The following TMEM132D variants were observed in gnomAD, a reference collection of about 807,000 sequenced individuals.
The protein encoded by TMEM132D is mature OL transmembrane protein.
In TMEM132D, 21 loss-of-function variants were observed where a neutral mutation model predicts 62.3. The ratio of observed to expected loss-of-function variants is 0.34; its 90% CI spans 0.24 to 0.49. The LOEUF is 0.49. TMEM132D is among the 20% of genes least tolerant of loss of function. The pLI, the probability that TMEM132D is intolerant of heterozygous loss-of-function variation, is 0.99. For synonymous variants in TMEM132D, 621 were observed against 575.6 expected (o/e 1.08, Z -1.13); for missense variants, 1,346 against 1,402.8 (o/e 0.96, Z 0.65).
intron 5 of TMEM132D, among the ~76,000 whole-genome samples, chr12:129,131,544 T>A (rs1268351347): frequency 6.6e-6 from 1 of 151,872 alleles, no homozygotes; most frequent in Non-Finnish European, 1.5e-5. Flanking sequence ...GAGGTGGAGG[T>A]TGCAGTGAGC....
At chr12:129,503,726 A>G (rs1875232526) in intron 3 of TMEM132D, among the ~76,000 whole-genome samples, 1 of 152,166 alleles carries the variant, frequency 6.6e-6, no homozygotes, top group South Asian at 2.1e-4. Flanking sequence ...ACACAGGTTA[A>G]AAACAAGATG....
At chr12:129,368,761 T>C (rs1217753504) in intron 3 of TMEM132D, among the ~76,000 whole-genome samples, 1 of 149,906 alleles carries the variant, frequency 6.7e-6, no homozygotes, top group African/African-American at 2.4e-5. Context: ...TTGTCAACCT[T>C]TCCACCAAAA....
At chr12:129,434,266 G>C (rs1211825846) in intron 3 of TMEM132D, among the ~76,000 whole-genome samples, 2 of 152,196 alleles carry the variant, frequency 1.3e-5, no homozygotes, top group Admixed American at 6.5e-5. Context: ...AGACCAACCT[G>C]CTTTAATAGT....
At chr12:129,741,464 T>C (rs1031820040) in intron 1 of TMEM132D, among the ~76,000 whole-genome samples, 1 of 152,222 alleles carries the variant, frequency 6.6e-6, no homozygotes, top group African/African-American at 2.4e-5. Flanking sequence ...CTGCTACTCA[T>C]GAGAAAAAGA....
chr12:129,868,027 G>A lies in TMEM132D; in HGVS notation c.79+35234C>T, dbSNP rs200983922. ...CGTTTCTATGGTACATACATGAGGT[G>A]GCGTTTCTATGGTACACACATGAGA... On this transcript the variant is annotated intron_variant, in intron 1 of 8. Transcript: ENST00000422113. Among the ~76,000 whole-genome samples, 10 of 121,484 alleles carry A rather than the reference G, an allele frequency of 8.2e-5. No individual in the cohort carries two copies. In the East Asian group the frequency reaches 7.4e-3, roughly 90 times the overall value. 79.7% of individuals were successfully genotyped at this position (121,484 alleles called of 152,430 possible).
rs1593158772 is a variant in TMEM132D at position 129,779,958 on chromosome 12, T to C, written c.80-79260A>G. On this transcript the variant is annotated intron_variant, in intron 1 of 8. Transcript: ENST00000422113. This position sits in a 1 kb window ranked among gnomAD's most constrained non-coding sequence, Gnocchi z 4.1. ...TTACAACCATCCTCCGAGAAAGCACTGTCAGCCCCATTTCATCCATGAGGA... is the reference window on the plus strand; with the variant it reads ...TTACAACCATCCTCCGAGAAAGCACCGTCAGCCCCATTTCATCCATGAGGA... Among the ~76,000 whole-genome samples the C allele has an allele frequency of 6.6e-6, 1 of 151,422 alleles. No homozygotes were observed. Among genetic ancestry groups the C allele is most frequent in the Middle Eastern group, 3.4e-3 (1 of 294 alleles).
At chr12:129,129,252 T>C (rs1354620417) in intron 5 of TMEM132D, among the ~76,000 whole-genome samples, 1 of 152,026 alleles carries the variant, frequency 6.6e-6, no homozygotes, top group African/African-American at 2.4e-5. Context: ...TTTGGCTTTC[T>C]GATTCACTGA....
chr12:129,612,267 C>T (rs1009458097), intron 2 of TMEM132D, among the ~76,000 whole-genome samples: 2 of 152,098 alleles, frequency 1.3e-5, no homozygotes, highest in Non-Finnish European at 2.9e-5. Context: ...TCACTGCCTG[C>T]GGCTCTTTTC....
At chr12:129,580,750 T>TC (rs1389496355) in intron 2 of TMEM132D, among the ~76,000 whole-genome samples, 4 of 151,574 alleles carry the variant, frequency 2.6e-5, no homozygotes, top group African/African-American at 9.7e-5. Context: ...AATAAATAAA[T>TC]AAATAAATCA....
rs368850505 is a variant in TMEM132D at position 129,700,354 on chromosome 12, G to C, written c.424C>G (p.Arg142Gly). The change falls in exon 2 of 9, where the codon CGG becomes GGG. Residue 142 changes from arginine (R) to glycine (G), a missense_variant. By Grantham distance (125) the Arg-to-Gly change is moderately radical. Coordinates refer to ENST00000422113, the MANE Select transcript of TMEM132D (RefSeq NM_133448.3). The part of the protein sequence containing the change: ...HILRDKVYLS[R>G]PKVQVLFHIM... ...TGGAACAGAACCTGCACTTTGGGCC[G>C]GCTCAGGTAGACTTTGTCCCGCAGG... 3 of 1,614,108 alleles carry C rather than the reference G, an allele frequency of 1.9e-6. No individual in the cohort carries two copies. Among genetic ancestry groups the C allele is most frequent in the Non-Finnish European group, 2.5e-6 (3 of 1,180,038 alleles).
At chr12:129,285,541 G>GAGAC (rs1881271880) in intron 4 of TMEM132D, among the ~76,000 whole-genome samples, 1 of 19,790 alleles carries the variant, frequency 5.1e-5, no homozygotes, top group South Asian at 2.1e-3. Flanking sequence ...AAAAAAAAAA[G>GAGAC]AGAGAGAGAG....
chr12:129,405,073 A>C (rs1484278154), intron 3 of TMEM132D, among the ~76,000 whole-genome samples: 1 of 152,122 alleles, frequency 6.6e-6, no homozygotes, highest in Non-Finnish European at 1.5e-5. Flanking sequence ...TGAAACTTTA[A>C]ATGTATTTGT....
In TMEM132D at chr12:129,745,839, C is replaced by G. The variant is rs370648677; in HGVS notation, c.80-45141G>C. On this transcript the variant is annotated intron_variant, in intron 1 of 8. Transcript: ENST00000422113. Reference sequence around the variant, plus strand: ...TTGCAAAGAGTAAAAATGATGTAAACTATTCGCCTGCGTAGAGTGAAGGTC... The same window carrying G: ...TTGCAAAGAGTAAAAATGATGTAAAGTATTCGCCTGCGTAGAGTGAAGGTC... Among the ~76,000 whole-genome samples the G allele has an allele frequency of 3.3e-5, 5 of 152,194 alleles. No homozygotes were observed. In the East Asian group the frequency reaches 9.6e-4, roughly 29 times the overall value.
intron 2 of TMEM132D, among the ~76,000 whole-genome samples, chr12:129,638,616 C>CATATATAT (rs569430518): frequency 3.3e-4 from 29 of 89,098 alleles, no homozygotes; most frequent in African/African-American, 1.1e-3. Context: ...ATAAATTCAG[C>CATATATAT]ATATATATAT....
intron 1 of TMEM132D, among the ~76,000 whole-genome samples, chr12:129,739,719 C>T (rs188483450): frequency 6.6e-6 from 1 of 152,162 alleles, no homozygotes; most frequent in Non-Finnish European, 1.5e-5. Flanking sequence ...ACCAACTGGG[C>T]TTCCTCATCC....
chr12:129,290,837 G>T (rs1881429477), intron 4 of TMEM132D, among the ~76,000 whole-genome samples: 3 of 152,164 alleles, frequency 2.0e-5, no homozygotes, highest in Admixed American at 2.0e-4. Context: ...TTTCAGTGTA[G>T]ACCTCATTAA....
intron 2 of TMEM132D, among the ~76,000 whole-genome samples, chr12:129,658,485 G>C (rs1287749179): frequency 1.3e-5 from 2 of 152,122 alleles, no homozygotes; most frequent in Non-Finnish European, 2.9e-5. Flanking sequence ...TTACAGACTA[G>C]ATTAGCAAAC....
At chr12:129,464,167 C>T (rs1873796510) in intron 3 of TMEM132D, among the ~76,000 whole-genome samples, 1 of 151,108 alleles carries the variant, frequency 6.6e-6, no homozygotes, top group Non-Finnish European at 1.5e-5. Flanking sequence ...GATTGCCATT[C>T]TCACTGGTGT....
Position 129,388,914 on chromosome 12 carries a change from C to T in TMEM132D, c.1116-51097G>A, listed in dbSNP as rs559244430. ...TGAATCCTAATATAAACACTAACACCGACACCAATACTAACACCAACACCA... is the reference window on the plus strand; with the variant it reads ...TGAATCCTAATATAAACACTAACACTGACACCAATACTAACACCAACACCA... On this transcript the variant is annotated intron_variant, in intron 3 of 8. Transcript: ENST00000422113. Among the ~76,000 whole-genome samples, 132 of 130,762 alleles carry T rather than the reference C, an allele frequency of 1.0e-3. 4 individuals are homozygous for T. The highest frequency in any genetic ancestry group is 5.9e-3 in the South Asian group (25 of 4,234). 85.8% of individuals were successfully genotyped at this position (130,762 alleles called of 152,430 possible).
Sources: gnomAD v4.1 joint callset for allele counts (sites outside exome capture counted in the v4.1 genomes callset) on GRCh38, gnomAD v4.1.1 for gene constraint, Gnocchi (gnomAD v3.1) non-coding constraint, MANE v1.5 for transcripts, NCBI Gene and HGNC (gene_info 2026-07-23, HGNC 2026-07-21) for gene names.